Variants in MYO18B observed in about 807,000 individuals in gnomAD.
MYO18B encodes the protein unconventional myosin-XVIIIb.
MYO18B carries 204 observed loss-of-function variants against 273.0 expected under a neutral mutation model. The observed-to-expected ratio is 0.75, with a 90% CI of 0.67 to 0.84. The LOEUF (loss-of-function observed/expected upper bound fraction) is 0.84, where lower values mean the gene tolerates loss of function less well. MYO18B is among the 40% of genes least tolerant of loss of function. The probability of loss-of-function intolerance (pLI) is 0.00; values close to 1 mark genes in which losing one functional copy is unlikely to be tolerated. For missense variants in MYO18B, 3,212 were observed against 3,287.6 expected (o/e 0.98, Z 0.56); for synonymous variants, 1,330 against 1,305.7 (o/e 1.02, Z -0.40).
intron 1 of MYO18B, among the ~76,000 whole-genome samples, chr22:25,748,057 G>T (rs1156955695): frequency 3.9e-5 from 6 of 152,220 alleles, no homozygotes; most frequent in Non-Finnish European, 8.8e-5. Context: ...CAGAAGGCAG[G>T]TTAGAGAAGT....
At chr22:25,885,545 T>G (rs1313179549) in intron 25 of MYO18B, among the ~76,000 whole-genome samples, 13 of 150,854 alleles carry the variant, frequency 8.6e-5, no homozygotes, top group Non-Finnish European at 1.3e-4. Flanking sequence ...GTGGTTGGAG[T>G]GTCTTGTATG....
chr22:26,028,717 A>G (rs1250364608), intron 43 of MYO18B: 1 of 151,842 alleles, frequency 6.6e-6, no homozygotes, highest in Non-Finnish European at 1.5e-5. Flanking sequence ...ACACAGTGAA[A>G]CCCCATCTCC....
At chr22:25,745,998 G>C (rs1194734711) in intron 1 of MYO18B, among the ~76,000 whole-genome samples, 2 of 152,186 alleles carry the variant, frequency 1.3e-5, no homozygotes, top group Admixed American at 1.3e-4. Context: ...TTTGGAGCCT[G>C]GAGTGACCCC....
At chr22:25,836,377 G>C (rs1036819228) in intron 17 of MYO18B, among the ~76,000 whole-genome samples, 1 of 152,168 alleles carries the variant, frequency 6.6e-6, no homozygotes, top group Non-Finnish European at 1.5e-5. Flanking sequence ...CCGGGGTCAA[G>C]GTGTTGCAGG....
chr22:25,779,328 G>T (rs1339373205), intron 8 of MYO18B, among the ~76,000 whole-genome samples: 1 of 152,158 alleles, frequency 6.6e-6, no homozygotes, highest in Admixed American at 6.5e-5. Flanking sequence ...ATGAGGACTA[G>T]ATTTAATTAG....
chr22:25,744,962 G>A (rs561099455), intron 1 of MYO18B, among the ~76,000 whole-genome samples: 22 of 152,160 alleles, frequency 1.4e-4, no homozygotes, highest in Middle Eastern at 3.4e-3. Flanking sequence ...CTGCTGTCAC[G>A]GCTGGTGTTC....
At chr22:25,821,151 CTT>C (rs1412435993) in intron 12 of MYO18B, among the ~76,000 whole-genome samples, 1 of 152,196 alleles carries the variant, frequency 6.6e-6, no homozygotes, top group Non-Finnish European at 1.5e-5. Context: ...ACAGATGTCT[CTT>C]TGATGCACTG....
At position 25,876,341 on chromosome 22, in the gene MYO18B, A is replaced by G. The variant is rs1277076205; in HGVS notation, c.4224+9A>G. The G allele has an allele frequency of 6.9e-6, 11 of 1,603,298 alleles. No homozygotes were observed. In the Middle Eastern group the frequency reaches 5.1e-4, roughly 74 times the overall value. On this transcript the variant is annotated intron_variant, in intron 24 of 43. Transcript: ENST00000335473. ...AGCTCCGAGCCAAGGAGGTCAGTCT[A>G]TGTGGCAGGCAGGGTGCTGGGTGGC...
chr22:25,843,218 T>C (rs1277248780), intron 17 of MYO18B, among the ~76,000 whole-genome samples: 2 of 152,204 alleles, frequency 1.3e-5, no homozygotes, highest in Admixed American at 1.3e-4. Flanking sequence ...GATGTGCCTG[T>C]ATCTCCCAAA....
At chr22:25,858,143 A>C (rs138067770) in intron 21 of MYO18B, among the ~76,000 whole-genome samples, 2 of 152,338 alleles carry the variant, frequency 1.3e-5, no homozygotes, top group East Asian at 3.9e-4. Flanking sequence ...TGATTTGGCC[A>C]CTTGTGTGAG....
chr22:25,805,508 G>A (rs1208666777), intron 12 of MYO18B, among the ~76,000 whole-genome samples: 1 of 152,116 alleles, frequency 6.6e-6, no homozygotes, highest in Non-Finnish European at 1.5e-5. Flanking sequence ...CACCCAATTG[G>A]ACATAATCTC....
intron 29 of MYO18B, chr22:25,899,477 G>A (rs1336991473): frequency 6.6e-6 from 1 of 152,166 alleles, no homozygotes; most frequent in Non-Finnish European, 1.5e-5. Flanking sequence ...CCAAGAAGTA[G>A]GAAGGAGAAT....
intron 40 of MYO18B, among the ~76,000 whole-genome samples, chr22:25,992,895 C>T (rs1168123628): frequency 6.6e-6 from 1 of 152,200 alleles, no homozygotes; most frequent in Non-Finnish European, 1.5e-5. Context: ...TTCATATATT[C>T]AATCTACTGC....
At chr22:26,023,479 T>TCCTCCTCCTCCTCCTCCTCTTCCTCCTC (rs1157360159) in intron 42 of MYO18B, among the ~76,000 whole-genome samples, 4 of 148,708 alleles carry the variant, frequency 2.7e-5, no homozygotes, top group Non-Finnish European at 6.0e-5. Context: ...TCCTCCTCCC[T>TCCTCCTCCTCCTCCTCCTCTTCCTCCTC]CCTCCTCCTC....
chr22:25,944,846 CAAAAAAAA>C (rs55989904), intron 34 of MYO18B, among the ~76,000 whole-genome samples: 1 of 75,648 alleles, frequency 1.3e-5, no homozygotes, highest in Non-Finnish European at 2.7e-5. Flanking sequence ...GACTCCATCT[CAAAAAAAA>C]AAAAAAAAAA....
At chr22:25,820,450 T>C (rs2089233916) in intron 12 of MYO18B, among the ~76,000 whole-genome samples, 1 of 152,182 alleles carries the variant, frequency 6.6e-6, no homozygotes, top group South Asian at 2.1e-4. Context: ...TCTGATTGAT[T>C]GAAAAATCCC....
At chr22:25,958,695 C>T (rs1470571608) in intron 39 of MYO18B, among the ~76,000 whole-genome samples, 1 of 152,118 alleles carries the variant, frequency 6.6e-6, no homozygotes, top group Non-Finnish European at 1.5e-5. Flanking sequence ...GTTAAGTCCT[C>T]ACTGTCATTG....
intron 12 of MYO18B, among the ~76,000 whole-genome samples, chr22:25,798,689 A>G (rs2088041245): frequency 6.6e-6 from 1 of 152,086 alleles, no homozygotes; most frequent in Non-Finnish European, 1.5e-5. Context: ...CCTCCTGAGT[A>G]GCTGGGACTA....
chr22:25,779,396 A>G (rs1372275551), intron 8 of MYO18B, among the ~76,000 whole-genome samples: 1 of 152,206 alleles, frequency 6.6e-6, no homozygotes, highest in Non-Finnish European at 1.5e-5. Flanking sequence ...TAACCAGGAA[A>G]GGGCAGATCC....
Sources: allele counts gnomAD v4.1 joint callset (sites outside exome capture counted in the v4.1 genomes callset), GRCh38; gene constraint gnomAD v4.1.1; transcripts MANE v1.5; gene names NCBI Gene and HGNC (gene_info 2026-07-23, HGNC 2026-07-21).